Variants in STK33 observed in about 807,000 individuals in gnomAD.
The protein encoded by STK33 is serine/threonine kinase 33.
In STK33, 52 loss-of-function variants were observed where a neutral mutation model predicts 58.0. That is an observed-to-expected ratio of 0.90 (90% CI 0.72 to 1.13). The LOEUF (loss-of-function observed/expected upper bound fraction) is 1.13, where lower values mean the gene tolerates loss of function less well. STK33 is among the 50% of genes most tolerant of loss of function. The probability of loss-of-function intolerance (pLI) is 0.00; values close to 1 mark genes in which losing one functional copy is unlikely to be tolerated. For missense variants in STK33, 630 were observed against 604.2 expected, an observed-to-expected ratio of 1.04 and a Z score of -0.45; for synonymous variants, 215 against 200.1, an observed-to-expected ratio of 1.07 and a Z score of -0.63.
At chr11:8,579,192 G>C (rs1309248862) in intron 1 of STK33, among the ~76,000 whole-genome samples, 1 of 151,968 alleles carries the variant, frequency 6.6e-6, no homozygotes, top group Admixed American at 6.6e-5. Flanking sequence ...GAATCAGTTA[G>C]AGTAGGGATT....
At chr11:8,444,119 G>A (rs1254412190) in intron 11 of STK33, among the ~76,000 whole-genome samples, 1 of 152,076 alleles carries the variant, frequency 6.6e-6, no homozygotes, top group African/African-American at 2.4e-5. Context: ...TTAGATATGA[G>A]CTGGTTCTTG....
At chr11:8,392,759 T>A (rs761612181) in intron 15 of STK33, 49 bp from the exon 16 acceptor site, 108 of 1,591,084 alleles carry the variant, frequency 6.8e-5, no homozygotes, top group Non-Finnish European at 8.5e-5. Context: ...GCAATGCACA[T>A]CAATTCAAAG....
At chr11:8,449,945 A>G (rs1946061405) in intron 11 of STK33, among the ~76,000 whole-genome samples, 1 of 152,148 alleles carries the variant, frequency 6.6e-6, no homozygotes, top group Non-Finnish European at 1.5e-5. Flanking sequence ...ATGCTTTTAC[A>G]CCGTTGGTGG....
At chr11:8,547,498 G>A (rs566217533) in intron 1 of STK33, among the ~76,000 whole-genome samples, 1 of 152,346 alleles carries the variant, frequency 6.6e-6, no homozygotes, top group African/African-American at 2.4e-5. Context: ...ACAGGCGTGA[G>A]CCACTGCACC....
At chr11:8,532,445 C>A (rs181271291) in intron 1 of STK33, among the ~76,000 whole-genome samples, 2 of 152,376 alleles carry the variant, frequency 1.3e-5, no homozygotes, top group East Asian at 3.9e-4. Flanking sequence ...TACTTGCCAT[C>A]TGGCCCTTTG....
At chr11:8,582,456 G>A (rs2030543101) in intron 1 of STK33, among the ~76,000 whole-genome samples, 1 of 152,158 alleles carries the variant, frequency 6.6e-6, no homozygotes, top group Non-Finnish European at 1.5e-5. Flanking sequence ...TACAATCATG[G>A]CAGAAGGCAA....
At chr11:8,530,093 T>G (rs1368671788) in intron 1 of STK33, among the ~76,000 whole-genome samples, 1 of 152,122 alleles carries the variant, frequency 6.6e-6, no homozygotes, top group Non-Finnish European at 1.5e-5. Flanking sequence ...AAGAGAGGCT[T>G]TGCATCTACA....
chr11:8,514,017 A>G (rs976526715), intron 1 of STK33, among the ~76,000 whole-genome samples: 1 of 151,596 alleles, frequency 6.6e-6, no homozygotes, highest in Non-Finnish European at 1.5e-5. Context: ...TATCTCCATG[A>G]GTTTACTTGT....
chr11:8,432,771 T>C (rs755218263), intron 14 of STK33, among the ~76,000 whole-genome samples: 3 of 152,198 alleles, frequency 2.0e-5, no homozygotes, highest in Non-Finnish European at 4.4e-5. Flanking sequence ...AGACTTCAAG[T>C]GGTTAAGAAG....
At chr11:8,360,887 T>C in the STK33 span, among the ~76,000 whole-genome samples, 2 of 152,258 alleles carry the variant, frequency 1.3e-5, no homozygotes, top group Non-Finnish European at 2.9e-5. Flanking sequence ...TCTCACTTGC[T>C]TGGTTTAGAT....
intron 1 of STK33, among the ~76,000 whole-genome samples, chr11:8,548,240 C>A (rs1202933573): frequency 1.3e-5 from 2 of 151,248 alleles, no homozygotes; most frequent in East Asian, 3.9e-4. Context: ...TTCATAGTTT[C>A]AAGTCTTACA....
chr11:8,553,192 ATATATGGTG>A (rs1335293188), intron 1 of STK33, among the ~76,000 whole-genome samples: 2,107 of 73,832 alleles, frequency 0.029, 67 homozygotes, highest in South Asian at 0.039. Flanking sequence ...ATATATATAT[ATATATGGTG>A]TATATATATA....
At chr11:8,346,571 T>C in the STK33 span, among the ~76,000 whole-genome samples, 1 of 152,208 alleles carries the variant, frequency 6.6e-6, no homozygotes, top group East Asian at 1.9e-4. Flanking sequence ...GCAGGATATC[T>C]GTGAGGAAAG....
At chr11:8,362,915 T>TCCC in the STK33 span, among the ~76,000 whole-genome samples, 7,014 of 141,302 alleles carry the variant, frequency 0.05, 209 homozygotes, top group Middle Eastern at 0.07. Context: ...CCTTCCTTCC[T>TCCC]TCCTCCCTCC....
intron 1 of STK33, among the ~76,000 whole-genome samples, chr11:8,513,528 C>A (rs1952511260): frequency 6.6e-6 from 1 of 152,182 alleles, no homozygotes; most frequent in Non-Finnish European, 1.5e-5. Context: ...CATATAGAAT[C>A]ATGCTATCCA....
chr11:8,381,714 C>T, the STK33 span, among the ~76,000 whole-genome samples: 10 of 152,188 alleles, frequency 6.6e-5, no homozygotes, highest in African/African-American at 2.4e-4. Flanking sequence ...ACCCTTTACA[C>T]CTCCAACGAT....
At chr11:8,369,433 G>C in the STK33 span, among the ~76,000 whole-genome samples, 1 of 151,732 alleles carries the variant, frequency 6.6e-6, no homozygotes, top group African/African-American at 2.4e-5. Context: ...TCAGATCTAA[G>C]AGTGGGGACA....
chr11:8,340,932 C>T, the STK33 span, among the ~76,000 whole-genome samples: 3 of 152,248 alleles, frequency 2.0e-5, no homozygotes, highest in Non-Finnish European at 4.4e-5. Flanking sequence ...GATGTTGGCT[C>T]ACTGCAACCT....
At chr11:8,426,755 CTG>C (rs1202219482) in intron 14 of STK33, among the ~76,000 whole-genome samples, 2 of 152,114 alleles carry the variant, frequency 1.3e-5, no homozygotes, top group Non-Finnish European at 2.9e-5. Flanking sequence ...TGGGTTTACT[CTG>C]TTAAAATTCT....
Sources: allele counts gnomAD v4.1 joint callset (sites outside exome capture counted in the v4.1 genomes callset), GRCh38; gene constraint gnomAD v4.1.1; transcripts MANE v1.5; gene names NCBI Gene and HGNC (gene_info 2026-07-23, HGNC 2026-07-21).